Variants in ZNF385D observed in about 807,000 individuals in gnomAD.
ZNF385D encodes zinc finger protein 385D.
ZNF385D carries 15 observed loss-of-function variants against 35.8 expected under a neutral mutation model. The observed-to-expected ratio is 0.42, with a 90% confidence interval of 0.28 to 0.64. ZNF385D has a LOEUF of 0.64. Among genes scored for constraint, ZNF385D ranks in the 30% least tolerant of loss-of-function variants. ZNF385D has a pLI of 0.23. For missense variants in ZNF385D, 474 were observed against 494.6 expected, an observed-to-expected ratio of 0.96 and a Z score of 0.39; for synonymous variants, 212 against 186.8, an observed-to-expected ratio of 1.13 and a Z score of -1.10.
intron 1 of ZNF385D, among the ~76,000 whole-genome samples, chr3:21,735,738 A>G (rs574045119): frequency 5.9e-5 from 9 of 152,350 alleles, no homozygotes; most frequent in Non-Finnish European, 1.5e-5. Flanking sequence ...AAGGCATAGT[A>G]CAAAGAGACA....
intron 3 of ZNF385D, among the ~76,000 whole-genome samples, chr3:22,151,863 TTTTA>T (rs973364452): frequency 7.2e-5 from 11 of 152,232 alleles, no homozygotes; most frequent in African/African-American, 2.6e-4. Flanking sequence ...CTTTTTAAAC[TTTTA>T]TTTTAGGTTT....
intron 3 of ZNF385D, among the ~76,000 whole-genome samples, chr3:21,841,697 T>C (rs777313424): frequency 5.3e-5 from 8 of 152,000 alleles, no homozygotes; most frequent in Non-Finnish European, 8.8e-5. Flanking sequence ...AGTATAAGTA[T>C]GCATAATTCT....
chr3:22,308,998 C>T (rs1031448507), intron 2 of ZNF385D, among the ~76,000 whole-genome samples: 5 of 151,966 alleles, frequency 3.3e-5, no homozygotes, highest in Non-Finnish European at 7.4e-5. Flanking sequence ...AAATAAGAGG[C>T]TATAAAGCTA....
intron 2 of ZNF385D, among the ~76,000 whole-genome samples, chr3:22,181,280 C>T (rs1416779522): frequency 6.6e-6 from 1 of 152,078 alleles, no homozygotes; most frequent in Non-Finnish European, 1.5e-5. Flanking sequence ...AAAATTTACG[C>T]ATCCTAACAG....
intron 2 of ZNF385D, among the ~76,000 whole-genome samples, chr3:21,652,281 G>C (rs990727288): frequency 1.3e-5 from 2 of 151,868 alleles, no homozygotes; most frequent in Non-Finnish European, 2.9e-5. Context: ...CTACTATAAG[G>C]CTTTTGAACA....
intron 3 of ZNF385D, among the ~76,000 whole-genome samples, chr3:21,826,254 G>A (rs981531943): frequency 6.6e-6 from 1 of 152,198 alleles, no homozygotes; most frequent in Non-Finnish European, 1.5e-5. Context: ...ATATGGGAGA[G>A]GGGAATGGCT....
At chr3:22,287,150 GT>G (rs564974728) in intron 2 of ZNF385D, among the ~76,000 whole-genome samples, 1 of 151,814 alleles carries the variant, frequency 6.6e-6, no homozygotes, top group Non-Finnish European at 1.5e-5. Flanking sequence ...TTTTGTGACA[GT>G]TTTTTTACTT....
At chr3:21,724,650 G>T (rs561554638) in intron 1 of ZNF385D, among the ~76,000 whole-genome samples, 4 of 151,900 alleles carry the variant, frequency 2.6e-5, no homozygotes, top group Admixed American at 2.6e-4. Context: ...AAATATATAC[G>T]CACCCAGGAC....
chr3:22,267,228 T>C (rs1700942376), intron 2 of ZNF385D, among the ~76,000 whole-genome samples: 1 of 151,928 alleles, frequency 6.6e-6, no homozygotes, highest in African/African-American at 2.4e-5. Context: ...ATTAAATAAT[T>C]AGGTTTCAAA....
At chr3:21,932,124 G>C (rs1323190542) in intron 3 of ZNF385D, among the ~76,000 whole-genome samples, 6 of 122,280 alleles carry the variant, frequency 4.9e-5, no homozygotes, top group Admixed American at 1.1e-4. Context: ...CCGAGATAGC[G>C]CCCCTGCACT....
chr3:22,111,006 C>T (rs1702490682), intron 3 of ZNF385D, among the ~76,000 whole-genome samples: 1 of 151,744 alleles, frequency 6.6e-6, no homozygotes, highest in Admixed American at 6.6e-5. Flanking sequence ...TTTTATCAAA[C>T]TGAGAAAGGT....
intron 2 of ZNF385D, among the ~76,000 whole-genome samples, chr3:21,653,637 T>G (rs553244096): frequency 4.6e-5 from 7 of 152,212 alleles, no homozygotes; most frequent in Non-Finnish European, 7.4e-5. Context: ...ATCTGCCTCA[T>G]TCCAAACAAG....
chr3:21,725,322 TA>T (rs1412515064), intron 1 of ZNF385D, among the ~76,000 whole-genome samples: 1 of 151,872 alleles, frequency 6.6e-6, no homozygotes, highest in Admixed American at 6.6e-5. Context: ...AGGCAAGAAA[TA>T]ACTAAGATCA....
chr3:21,991,111 C>T (rs562480895), intron 3 of ZNF385D, among the ~76,000 whole-genome samples: 1 of 152,092 alleles, frequency 6.6e-6, no homozygotes, highest in Non-Finnish European at 1.5e-5. Context: ...TAATCATTTG[C>T]AAAAACTAAT....
At chr3:22,331,209 A>AG (rs948913854) in intron 2 of ZNF385D, among the ~76,000 whole-genome samples, 8 of 151,802 alleles carry the variant, frequency 5.3e-5, no homozygotes, top group African/African-American at 1.9e-4. Context: ...GCCATTTATT[A>AG]TTTTTTTTAG....
chr3:22,233,296 G>A (rs995137503), intron 2 of ZNF385D, among the ~76,000 whole-genome samples: 6 of 150,738 alleles, frequency 4.0e-5, no homozygotes, highest in Admixed American at 3.3e-4. Context: ...TCAAAATCCT[G>A]CTTAAGTGCA....
chr3:21,616,214 G>A (rs1018890433), intron 2 of ZNF385D, among the ~76,000 whole-genome samples: 1 of 152,040 alleles, frequency 6.6e-6, no homozygotes, highest in Admixed American at 6.6e-5. Context: ...TTAAAATAAA[G>A]GTCAACCAAA....
intron 3 of ZNF385D, among the ~76,000 whole-genome samples, chr3:21,775,179 C>T (rs1294348747): frequency 4.6e-5 from 7 of 151,794 alleles, no homozygotes; most frequent in Non-Finnish European, 1.0e-4. Context: ...CAAGTAAATT[C>T]ATCTGGATGA....
At chr3:21,525,441 A>G (rs1241117113) in intron 3 of ZNF385D, among the ~76,000 whole-genome samples, 1 of 152,030 alleles carries the variant, frequency 6.6e-6, no homozygotes, top group African/African-American at 2.4e-5. Context: ...TAATCCCAGC[A>G]CTTTGGGAAG....
Sources: gnomAD v4.1 joint callset for allele counts (sites outside exome capture counted in the v4.1 genomes callset) on GRCh38, gnomAD v4.1.1 for gene constraint, MANE v1.5 for transcripts, NCBI Gene and HGNC (gene_info 2026-07-23, HGNC 2026-07-21) for gene names.